MCUR1: variants seen among roughly 807,000 people sequenced by gnomAD.
The protein encoded by MCUR1 is MCU regulator 1.
MCUR1 carries 37 observed loss-of-function variants against 42.0 expected under a neutral mutation model. The observed-to-expected ratio is 0.88, with a 90% CI of 0.68 to 1.16. The LOEUF (loss-of-function observed/expected upper bound fraction) is 1.16. MCUR1 is among the 50% of genes most tolerant of loss of function. The pLI is 0.00. For synonymous variants in MCUR1, 229 were observed against 196.2 expected, an observed-to-expected ratio of 1.17 and a Z score of -1.40; for missense variants, 469 against 468.4, an observed-to-expected ratio of 1.00 and a Z score of -0.01.
At chr6:13,805,760 T>C (rs1201374801) in intron 2 of MCUR1, among the ~76,000 whole-genome samples, 2 of 152,218 alleles carry the variant, frequency 1.3e-5, no homozygotes, top group Non-Finnish European at 2.9e-5. Context: ...ACAAGCATAA[T>C]TTACACTATT....
At chr6:13,793,844 A>C (rs1356720916) in intron 7 of MCUR1, 50 bp downstream of exon 7, 1 of 1,512,342 alleles carries the variant, frequency 6.6e-7, no homozygotes. Context: ...GCATGGAACG[A>C]AGCAAAGATG....
At position 13,791,980 on chromosome 6, in the gene MCUR1, C is replaced by A; in HGVS notation, c.922G>T (p.Asp308Tyr). 1 of 1,613,888 alleles carries A rather than the reference C, an allele frequency of 6.2e-7. No individual in the cohort carries two copies. The highest frequency in any genetic ancestry group is 8.5e-7 in the Non-Finnish European group (1 of 1,179,842). ...TEIVALHAQQDRALTQTDRKI... is the reference protein window; with the variant it reads ...TEIVALHAQQYRALTQTDRKI... ...CTGTCTGTCTGGGTAAGGGCCCGAT[C>A]TTGCTGGGCATGCTTTTAAAATGAA... The change falls in exon 8 of 9, where the codon GAT (aspartate) becomes TAT (tyrosine). Residue 308 changes from aspartate to tyrosine, a missense_variant. Asp to Tyr is a radical substitution (Grantham distance 160). Coordinates refer to ENST00000379170, the MANE Select transcript of MCUR1 (RefSeq NM_001031713.4).
chr6:13,791,008 A>G, intron 8 of MCUR1, 144 bp from the exon 9 acceptor site: 1 of 556,344 alleles, frequency 1.8e-6, no homozygotes, highest in Non-Finnish European at 3.2e-6. Context: ...ACGCCTGCCT[A>G]CTGAAAAAAC....
chr6:13,791,702 T>C, intron 8 of MCUR1, among the ~76,000 whole-genome samples, 176 bp downstream of exon 8: 1 of 152,198 alleles, frequency 6.6e-6, no homozygotes, highest in South Asian at 2.1e-4. Flanking sequence ...AAAGAAAAAG[T>C]GCCAATTAAA....
chr6:13,814,353 C>T lies in MCUR1; in HGVS notation c.77G>A (p.Gly26Asp), dbSNP rs775997138. Reference protein sequence around the residue: ...GRQRLLFLPVGLSGRPGGSET... With the variant: ...GRQRLLFLPVDLSGRPGGSET... The stretch of plus-strand genomic sequence containing the variant: ...GCTGCCGCCCGGTCTTCCGCTGAGG[C>T]CCACGGGCAAGAAGAGAAGCCGCTG... Residue 26 changes from glycine to aspartate, a missense_variant, in exon 1 of 9, where the codon GGC becomes GAC. Transcript: ENST00000379170. 42 of 1,520,746 alleles carry T rather than the reference C, an allele frequency of 2.8e-5. No homozygotes were observed. In the South Asian group the frequency reaches 4.7e-4, roughly 17 times the overall value. The allele number at this position is 1,520,746 out of a possible 1,614,324, so 94.2% of individuals were successfully genotyped here.
intron 2 of MCUR1, chr6:13,803,583 T>C (rs1760040704): frequency 4.8e-6 from 1 of 206,610 alleles, no homozygotes; most frequent in Non-Finnish European, 8.5e-6. Context: ...AGCATGGGAC[T>C]ATAATGAACA....
rs1465057243 is a variant in MCUR1 at position 13,787,523 on chromosome 6, A to G, written c.*3286T>C. 1 of 152,224 alleles carries G rather than the reference A, an allele frequency of 6.6e-6. No homozygotes were observed. The highest frequency in any genetic ancestry group is 1.5e-5 in the Non-Finnish European group (1 of 68,050). 9.4% of individuals were successfully genotyped at this position (152,224 alleles called of 1,614,324 possible). A position where few individuals can be genotyped will look rare whatever the true frequency, so the allele number is the denominator to read the frequency against. On this transcript the variant is annotated 3_prime_UTR_variant, in exon 9 of 9. Transcript: ENST00000379170. The stretch of plus-strand genomic sequence containing the variant: ...TGTAGCAGGAGAGCATGGAAATCGG[A>G]GTTCAGACTCTTTAGAAAAGACAAA...
At position 13,788,214 on chromosome 6, in the gene MCUR1, T is replaced by G. The variant is rs1759644587; in HGVS notation, c.*2595A>C. 1 of 152,200 alleles carries G rather than the reference T, an allele frequency of 6.6e-6. No individual in the cohort carries two copies. The highest frequency in any genetic ancestry group is 2.4e-5 in the African/African-American group (1 of 41,448). The allele number at this position is 152,200 out of a possible 1,614,324, so 9.4% of individuals were successfully genotyped here. On this transcript the variant is annotated 3_prime_UTR_variant, in exon 9 of 9. Coordinates refer to ENST00000379170, the MANE Select transcript of MCUR1 (RefSeq NM_001031713.4). ...AGTTTTAATATTACGTCTAGTCGGCTCACGGGTGCTTGAGCCAGAAGTGGG... is the reference window on the plus strand; with the variant it reads ...AGTTTTAATATTACGTCTAGTCGGCGCACGGGTGCTTGAGCCAGAAGTGGG...
chr6:13,803,898 C>T, intron 2 of MCUR1: 1 of 979,686 alleles, frequency 1.0e-6, no homozygotes, highest in Middle Eastern at 5.3e-4. Flanking sequence ...TCTGGGAGAC[C>T]AAGGCGGGAG....
At chr6:13,813,514 GAT>G (rs1403961340) in intron 1 of MCUR1, among the ~76,000 whole-genome samples, 1 of 152,190 alleles carries the variant, frequency 6.6e-6, no homozygotes, top group Non-Finnish European at 1.5e-5. Context: ...TTTGTGGACT[GAT>G]ATATCTCACA....
At chr6:13,791,787 T>G in intron 8 of MCUR1, 91 bp downstream of exon 8, 2 of 783,762 alleles carry the variant, frequency 2.6e-6, no homozygotes, top group Non-Finnish European at 4.0e-6. Flanking sequence ...CAGAAAGTGT[T>G]GGAATCAATG....
At chr6:13,806,711 A>G (rs1051852172) in intron 2 of MCUR1, among the ~76,000 whole-genome samples, 2 of 152,152 alleles carry the variant, frequency 1.3e-5, no homozygotes, top group Admixed American at 6.6e-5. Flanking sequence ...GGATGGCTTG[A>G]GCCTGGGAGG....
At chr6:13,809,109 A>G (rs1760174541) in intron 1 of MCUR1, among the ~76,000 whole-genome samples, 1 of 152,130 alleles carries the variant, frequency 6.6e-6, no homozygotes, top group African/African-American at 2.4e-5. Context: ...GTATTTCCCT[A>G]TGAATTTTAG....
At position 13,791,917 on chromosome 6, in the gene MCUR1, G is replaced by A; in HGVS notation, c.985C>T (p.Leu329Phe). The change falls in exon 8 of 9, where the codon CTT becomes TTT. Residue 329 changes from leucine (L) to phenylalanine (F), a missense_variant. Physicochemically the swap from Leu to Phe is conservative, Grantham distance 22. Transcript: ENST00000379170. Reference protein sequence around the residue: ...ETEVAGLKTMLESHKLDNIKY... With the variant: ...ETEVAGLKTMFESHKLDNIKY... The stretch of plus-strand genomic sequence containing the variant: ...ATATTATCAAGCTTGTGTGACTCAA[G>A]CATGGTTTTGAGGCCAGCAACCTCA... The A allele has an allele frequency of 6.2e-7, 1 of 1,613,934 alleles. No homozygotes were observed. The highest frequency in any genetic ancestry group is 1.3e-5 in the African/African-American group (1 of 75,032).
chr6:13,802,626 T>C (rs970575342), intron 2 of MCUR1, among the ~76,000 whole-genome samples: 5 of 152,184 alleles, frequency 3.3e-5, no homozygotes, highest in African/African-American at 4.8e-5. Context: ...TTTAATGACA[T>C]AGACAATGCC....
rs1459088414 is a variant in MCUR1 at position 13,814,048 on chromosome 6, C to T, written c.382G>A (p.Gly128Ser). 2.4e-6 allele frequency: 3 copies of T among 1,237,348 alleles called. No homozygotes were observed. Among genetic ancestry groups the T allele is most frequent in the Admixed American group, 4.2e-5 (1 of 23,668 alleles). The allele number at this position is 1,237,348 out of a possible 1,614,324, so 76.6% of individuals were successfully genotyped here. ...CAGGAAACGAGTGCAGGCGCCGGGC[C>T]GTGGTACTGGGGAAGGGCGCCGGCG... ...AAAGALPQYH[G>S]PAPALVSCRR... The change falls in exon 1 of 9, where the codon GGC (glycine) becomes AGC (serine). Residue 128 changes from glycine (G) to serine (S), a missense_variant. Physicochemically the swap from Gly to Ser is moderately conservative, Grantham distance 56. Transcript: ENST00000379170.
Position 13,790,804 on chromosome 6 carries a change from C to A in MCUR1, c.*5G>T. On this transcript the variant is annotated 3_prime_UTR_variant, in exon 9 of 9. Coordinates refer to ENST00000379170, the MANE Select transcript of MCUR1 (RefSeq NM_001031713.4). Reference sequence around the variant, plus strand: ...CAGTAGAAATCACTTTAAATAGACACTTTATTAGATCCACAGGCGATAAAA... The same window carrying A: ...CAGTAGAAATCACTTTAAATAGACAATTTATTAGATCCACAGGCGATAAAA... 1 of 1,609,298 alleles carries A rather than the reference C, an allele frequency of 6.2e-7. No individual in the cohort carries two copies. The highest frequency in any genetic ancestry group is 2.2e-5 in the East Asian group (1 of 44,734).
chr6:13,814,023 C>G lies in MCUR1; in HGVS notation c.407G>C (p.Cys136Ser), dbSNP rs1444420468. The change falls in exon 1 of 9, where the codon TGC (cysteine) becomes TCC (serine). Residue 136 changes from cysteine (C) to serine (S), a missense_variant. By Grantham distance (112) the Cys-to-Ser change is moderately radical. Transcript: ENST00000379170. ...TCCCGCCCGGGCCTCACCTCTCCTG[C>G]AGGAAACGAGTGCAGGCGCCGGGCC... ...YHGPAPALVSCRRELSLSAGS... is the reference protein window; with the variant it reads ...YHGPAPALVSSRRELSLSAGS... 2 of 1,235,764 alleles carry G rather than the reference C, an allele frequency of 1.6e-6. No homozygotes were observed. Among genetic ancestry groups the G allele is most frequent in the Non-Finnish European group, 1.0e-6 (1 of 990,336 alleles). 76.5% of individuals were successfully genotyped at this position (1,235,764 alleles called of 1,614,324 possible).
Position 13,800,357 on chromosome 6 carries a change from A to T in MCUR1, c.767T>A (p.Leu256Ter). 1 of 1,578,630 alleles carries T rather than the reference A, an allele frequency of 6.3e-7. No individual in the cohort carries two copies. The highest frequency in any genetic ancestry group is 8.6e-7 in the Non-Finnish European group (1 of 1,157,822). ...NEKIKLELHQ[L>*]KQQVMDEVIK... The stretch of plus-strand genomic sequence containing the variant: ...GAATCTTACCATTACTTGTTGTTTT[A>T]ACTGATGTAGTTCGAGTTTTATTTT... Residue 256 changes from leucine (L) to a stop codon, truncating the protein, a stop_gained, in exon 5 of 9, where the codon TTA becomes TAA. Coordinates refer to ENST00000379170, the MANE Select transcript of MCUR1 (RefSeq NM_001031713.4). LOFTEE classifies it high-confidence loss of function.
Sources: allele counts gnomAD v4.1 joint callset (sites outside exome capture counted in the v4.1 genomes callset), GRCh38; gene constraint gnomAD v4.1.1; transcripts MANE v1.5; gene names NCBI Gene and HGNC (gene_info 2026-07-23, HGNC 2026-07-21).